The following HK2 variants were observed in gnomAD, a reference collection of about 807,000 sequenced individuals.
HK2 encodes the protein hexokinase-2.
In HK2, 42 loss-of-function variants were observed where a neutral mutation model predicts 92.9. That is an observed-to-expected ratio of 0.45 (90% CI 0.35 to 0.58). HK2 has a LOEUF of 0.58. Ranked by LOEUF, HK2 falls within the 20% of genes least tolerant of loss-of-function variation. HK2 has a pLI of 0.00. For missense variants in HK2, 978 were observed against 1,245.1 expected (o/e 0.79, Z 3.23); for synonymous variants, 422 against 468.0 (o/e 0.90, Z 1.27).
In HK2 at chr2:74,886,402, C is replaced by T; in HGVS notation, c.2035+9C>T. Reference sequence around the variant, plus strand: ...AGTTGGCCTCATTGTTGGTAAGGACCCAGACTGTCCTTTCCACATGGGGAT... The same window carrying T: ...AGTTGGCCTCATTGTTGGTAAGGACTCAGACTGTCCTTTCCACATGGGGAT... On this transcript the variant is annotated intron_variant, in intron 14 of 17. Transcript: ENST00000290573. 1 of 1,613,338 alleles carries T rather than the reference C, an allele frequency of 6.2e-7. No homozygotes were observed. Among genetic ancestry groups the T allele is most frequent in the South Asian group, 1.1e-5 (1 of 91,072 alleles).
At chr2:74,865,472 G>A (rs1688923203) in intron 2 of HK2, among the ~76,000 whole-genome samples, 1 of 151,988 alleles carries the variant, frequency 6.6e-6, no homozygotes, top group Admixed American at 6.5e-5. Context: ...TGCTGATGAG[G>A]CATTTCATCT....
chr2:74,867,601 C>A lies in HK2; in HGVS notation c.227-35C>A, dbSNP rs765584738. 2 of 1,611,358 alleles carry A rather than the reference C, an allele frequency of 1.2e-6. 1 individual carries two copies. Among genetic ancestry groups the A allele is most frequent in the South Asian group, 2.2e-5 (2 of 90,910 alleles). ...TCGGTTGGTTCCTGGAAGAATTTTGCCCAAAATTAATAGTGGCCCTTCCTT... is the reference window on the plus strand; with the variant it reads ...TCGGTTGGTTCCTGGAAGAATTTTGACCAAAATTAATAGTGGCCCTTCCTT... On this transcript the variant is annotated intron_variant, in intron 2 of 17. Coordinates refer to ENST00000290573, the MANE Select transcript of HK2 (RefSeq NM_000189.5).
At chr2:74,842,580 G>C (rs1402351187) in intron 1 of HK2, among the ~76,000 whole-genome samples, 1 of 152,204 alleles carries the variant, frequency 6.6e-6, no homozygotes, top group East Asian at 1.9e-4. Flanking sequence ...TTCTTTTAGA[G>C]TAAGTGGTTT....
intron 7 of HK2, among the ~76,000 whole-genome samples, chr2:74,874,746 A>C (rs1375225753): frequency 6.6e-6 from 1 of 152,098 alleles, no homozygotes; most frequent in Non-Finnish European, 1.5e-5. Context: ...CTATTTGTAA[A>C]TTGTCCATGG....
At position 74,877,222 on chromosome 2, in the gene HK2, T is replaced by TG; in HGVS notation, c.933dup (p.Lys312GlufsTer24). 1 of 1,614,160 alleles carries TG rather than the reference T, an allele frequency of 6.2e-7. No individual in the cohort carries two copies. The highest frequency in any genetic ancestry group is 8.5e-7 in the Non-Finnish European group (1 of 1,180,030). ...GGGGAGCTGGTGAGGCTTATCCTGG[T>TG]GAAGATGGCCAAGGAGGAGCTGCTC... On this transcript the variant is annotated frameshift_variant, in exon 8 of 18. Coordinates refer to ENST00000290573, the MANE Select transcript of HK2 (RefSeq NM_000189.5). LOFTEE classifies it high-confidence loss of function.
intron 1 of HK2, among the ~76,000 whole-genome samples, chr2:74,850,413 C>T (rs72820069): frequency 0.037 from 5,619 of 152,230 alleles, 168 homozygotes; most frequent in Non-Finnish European, 0.055. Flanking sequence ...AGAGAAATAG[C>T]GAGCCTCTCA....
rs754198921 is a variant in HK2 at position 74,881,851 on chromosome 2, G to C, written c.1711G>C (p.Gly571Arg). The C allele has an allele frequency of 1.9e-6, 3 of 1,614,080 alleles. No homozygotes were observed. The Admixed American group carries it at 5.0e-5, about 27-fold the overall frequency. The stretch of plus-strand genomic sequence containing the variant: ...CCCGCAGGAGGTCATGCACGGCACC[G>C]GGGACGAGGTGAGCAGGGCGGCGCC... ...AIPQEVMHGT[G>R]DELFDHIVQC... The change falls in exon 11 of 18, where the codon GGG (glycine) becomes CGG (arginine). Residue 571 changes from glycine (G) to arginine (R), a missense_variant. Gly to Arg is a moderately radical substitution (Grantham distance 125). This residue lies in a region of HK2 where 742 missense variants were observed against 922.5 expected (regional missense o/e 0.80). Coordinates refer to ENST00000290573, the MANE Select transcript of HK2 (RefSeq NM_000189.5).
chr2:74,855,408 C>T (rs1369884567), intron 2 of HK2, among the ~76,000 whole-genome samples: 3 of 152,162 alleles, frequency 2.0e-5, no homozygotes, highest in African/African-American at 7.2e-5. Context: ...CTCGCTCTGT[C>T]ACCCAGGCTA....
At position 74,845,556 on chromosome 2, in the gene HK2, T is replaced by G. The variant is rs373943469; in HGVS notation, c.64-8737T>G. On this transcript the variant is annotated intron_variant, in intron 1 of 17. Transcript: ENST00000290573. ...TGAGAACTGGAAGAACAGGAAGCCC[T>G]GTGACTCACAACCGCTGCAACAGGA... Among the ~76,000 whole-genome samples the G allele has an allele frequency of 6.6e-5, 10 of 152,372 alleles. No homozygotes were observed. In the South Asian group the frequency reaches 2.1e-3, roughly 32 times the overall value.
chr2:74,880,477 T>G lies in HK2; in HGVS notation c.1478T>G (p.Val493Gly). The change falls in exon 10 of 18, where the codon GTA becomes GGA. Residue 493 changes from valine (V) to glycine (G), a missense_variant. Val to Gly is a moderately radical substitution (Grantham distance 109). This residue lies in a region of HK2 where 742 missense variants were observed against 922.5 expected (regional missense o/e 0.80). Transcript: ENST00000290573. ...QLLEVKRRMK[V>G]EMERGLSKET... Reference sequence around the variant, plus strand: ...CTGGAGGTCAAGAGGAGGATGAAGGTAGAAATGGAGCGAGGTCTGAGCAAG... The same window carrying G: ...CTGGAGGTCAAGAGGAGGATGAAGGGAGAAATGGAGCGAGGTCTGAGCAAG... 4.3e-6 allele frequency: 7 copies of G among 1,614,072 alleles called. No homozygotes were observed. Among genetic ancestry groups the G allele is most frequent in the Non-Finnish European group, 5.9e-6 (7 of 1,180,006 alleles).
At position 74,884,039 on chromosome 2, in the gene HK2, A is replaced by T. The variant is rs191858948; in HGVS notation, c.1840-1455A>T. ...ATAAAAGCATAACCCTCCAGTGTATATCCTTCTTCTAGACTTCCTACCAAA... is the reference window on the plus strand; with the variant it reads ...ATAAAAGCATAACCCTCCAGTGTATTTCCTTCTTCTAGACTTCCTACCAAA... On this transcript the variant is annotated intron_variant, in intron 12 of 17. Coordinates refer to ENST00000290573, the MANE Select transcript of HK2 (RefSeq NM_000189.5). 4.4e-3 allele frequency among the ~76,000 whole-genome samples: 669 copies of T among 152,352 alleles called. 5 individuals are homozygous for T. The highest frequency in any genetic ancestry group is 7.2e-3 in the Non-Finnish European group (490 of 68,030).
chr2:74,860,869 C>G (rs1422179850), intron 2 of HK2, among the ~76,000 whole-genome samples: 1 of 152,218 alleles, frequency 6.6e-6, no homozygotes, highest in Non-Finnish European at 1.5e-5. Context: ...TGTATGAGAG[C>G]TCTGCCTGCT....
chr2:74,850,466 G>T (rs1483416067), intron 1 of HK2, among the ~76,000 whole-genome samples: 4 of 152,148 alleles, frequency 2.6e-5, no homozygotes, highest in Non-Finnish European at 1.5e-5. Flanking sequence ...CTATCAATTG[G>T]GTGGAGAGAG....
rs370610571 is a variant in HK2 at position 74,865,068 on chromosome 2, C to T, written c.227-2568C>T. On this transcript the variant is annotated intron_variant, in intron 2 of 17. Coordinates refer to ENST00000290573, the MANE Select transcript of HK2 (RefSeq NM_000189.5). ...CATGCGTGGGCGTTACGAGAGGGCC[C>T]GTCTCAGGATTGCCGAGTCACAGTG... Among the ~76,000 whole-genome samples the T allele has an allele frequency of 6.6e-5, 10 of 151,768 alleles. 1 individual carries two copies. In the East Asian group the frequency reaches 1.4e-3, roughly 21 times the overall value.
rs28363044 is a variant in HK2, at chr2:74,884,953, G to T, written c.1840-541G>T. ...TGAAGCCTAGCTGTCACCCAGCTGTGGGCAAAGCACTTGTTCGCCAGATGC... is the reference window on the plus strand; with the variant it reads ...TGAAGCCTAGCTGTCACCCAGCTGTTGGCAAAGCACTTGTTCGCCAGATGC... On this transcript the variant is annotated intron_variant, in intron 12 of 17. Transcript: ENST00000290573. Among the ~76,000 whole-genome samples, 1,477 of 151,464 alleles carry T rather than the reference G, an allele frequency of 9.8e-3. 21 individuals carry two copies. Among genetic ancestry groups the T allele is most frequent in the African/African-American group, 0.034 (1,406 of 41,506 alleles).
intron 12 of HK2, among the ~76,000 whole-genome samples, chr2:74,883,325 A>T (rs1164316459): frequency 6.6e-6 from 1 of 152,194 alleles, no homozygotes; most frequent in Non-Finnish European, 1.5e-5. Flanking sequence ...ATGGATACTG[A>T]AGCCCCCAGG....
At chr2:74,859,427 CT>C (rs1168735024) in intron 2 of HK2, among the ~76,000 whole-genome samples, 1 of 152,144 alleles carries the variant, frequency 6.6e-6, no homozygotes, top group Admixed American at 6.5e-5. Flanking sequence ...TGTCTCATGC[CT>C]GCAATCCCAG....
At chr2:74,874,089 G>C (rs1311032102) in intron 6 of HK2, 146 bp downstream of exon 6, 1 of 963,710 alleles carries the variant, frequency 1.0e-6, no homozygotes, top group Non-Finnish European at 1.6e-6. Context: ...AGCCGAGCAG[G>C]GACTCATGGA....
chr2:74,836,974 C>T (rs534684602), intron 1 of HK2, among the ~76,000 whole-genome samples: 30 of 152,162 alleles, frequency 2.0e-4, no homozygotes, highest in Non-Finnish European at 3.7e-4. Context: ...CTTGTCGTCT[C>T]CTGATGGACA....
Sources: allele counts gnomAD v4.1 joint callset (sites outside exome capture counted in the v4.1 genomes callset), GRCh38; gene constraint gnomAD v4.1.1; regional missense constraint gnomAD v4.1.1; transcripts MANE v1.5; gene names NCBI Gene and HGNC (gene_info 2026-07-23, HGNC 2026-07-21).